KLHL1: variants seen among roughly 807,000 people sequenced by gnomAD.
The protein encoded by KLHL1 is kelch-like protein 1.
A neutral mutation model predicts 77.7 loss-of-function variants in KLHL1; 47 were observed. The observed-to-expected ratio is 0.60, with a 90% CI of 0.48 to 0.77. The LOEUF is 0.77. Ranked by LOEUF, KLHL1 falls within the 30% of genes least tolerant of loss-of-function variation. The pLI is 0.00. For missense variants in KLHL1, 925 were observed against 910.8 expected, an observed-to-expected ratio of 1.02 and a Z score of -0.20; for synonymous variants, 360 against 325.2, an observed-to-expected ratio of 1.11 and a Z score of -1.15.
intron 8 of KLHL1, among the ~76,000 whole-genome samples, chr13:69,736,592 C>T (rs759898993): frequency 4.9e-4 from 75 of 152,038 alleles, no homozygotes; most frequent in Non-Finnish European, 8.4e-4. Flanking sequence ...TTGCACATGC[C>T]TGTTTATAGC....
intron 1 of KLHL1, among the ~76,000 whole-genome samples, chr13:70,098,837 A>T (rs1180133378): frequency 6.6e-6 from 1 of 151,412 alleles, no homozygotes; most frequent in Non-Finnish European, 1.5e-5. Context: ...CTCTTCTTAC[A>T]TTTTTTTCAA....
At chr13:69,970,247 C>G (rs1884341150) in intron 2 of KLHL1, among the ~76,000 whole-genome samples, 1 of 152,134 alleles carries the variant, frequency 6.6e-6, no homozygotes, top group African/African-American at 2.4e-5. Context: ...TCACATATCC[C>G]AGGACATTTC....
At chr13:69,961,167 C>T (rs1480135034) in intron 3 of KLHL1, 141 bp downstream of exon 3, 5 of 665,860 alleles carry the variant, frequency 7.5e-6, no homozygotes, top group Non-Finnish European at 4.9e-6. Context: ...AACAAAAAGT[C>T]TGATTTTTGA....
At chr13:69,712,526 T>C (rs1593764284) in intron 9 of KLHL1, among the ~76,000 whole-genome samples, 1 of 152,200 alleles carries the variant, frequency 6.6e-6, no homozygotes, top group East Asian at 1.9e-4. Context: ...ACAAATCTAT[T>C]CCATTTGTCT....
intron 4 of KLHL1, among the ~76,000 whole-genome samples, chr13:69,908,402 C>T (rs913520568): frequency 1.3e-5 from 2 of 150,864 alleles, no homozygotes; most frequent in African/African-American, 4.9e-5. Flanking sequence ...GAAGATTTGA[C>T]AAAAAAAGTT....
chr13:69,721,085 ATGTACCTCCCT>A (rs1873038045), intron 8 of KLHL1, among the ~76,000 whole-genome samples: 6 of 75,160 alleles, frequency 8.0e-5, no homozygotes, highest in Admixed American at 2.8e-4. Context: ...ATATAAAGCT[ATGTACCTCCCT>A]TACAAGGAAT....
chr13:69,839,317 G>A (rs1030368345), intron 5 of KLHL1, among the ~76,000 whole-genome samples, 155 bp from the exon 6 acceptor site: 1 of 151,858 alleles, frequency 6.6e-6, no homozygotes, highest in Admixed American at 6.6e-5. Flanking sequence ...AAATAAAAAT[G>A]TATAAAATGA....
At chr13:70,083,084 TA>T (rs1308058073) in intron 1 of KLHL1, among the ~76,000 whole-genome samples, 1 of 152,016 alleles carries the variant, frequency 6.6e-6, no homozygotes, top group Non-Finnish European at 1.5e-5. Context: ...GACTCCTCAC[TA>T]AAGGAACTTC....
chr13:69,975,506 T>TA (rs1566463288), intron 2 of KLHL1, 114 bp downstream of exon 2: 1 of 373,688 alleles, frequency 2.7e-6, no homozygotes, highest in East Asian at 8.8e-5. Flanking sequence ...ACAAAAAACT[T>TA]AAAAAAATGT....
At chr13:69,996,910 A>ATTTTTTTTTTTTTTTTTTTTTTTTTTTT (rs10549532) in intron 1 of KLHL1, among the ~76,000 whole-genome samples, 1 of 71,240 alleles carries the variant, frequency 1.4e-5, no homozygotes, top group Non-Finnish European at 2.5e-5. Flanking sequence ...TATTCATTAA[A>ATTTTTTTTTTTTTTTTTTTTTTTTTTTT]TTTTTTTTTT....
At chr13:69,742,013 CCCCAAAA>C (rs1174618432) in intron 7 of KLHL1, among the ~76,000 whole-genome samples, 8 of 152,088 alleles carry the variant, frequency 5.3e-5, no homozygotes. Flanking sequence ...CAATCTAGTT[CCCCAAAA>C]CTCTACCACC....
chr13:69,939,340 C>CATACATACATATATAT (rs1555283221), intron 4 of KLHL1, among the ~76,000 whole-genome samples: 1 of 60,846 alleles, frequency 1.6e-5, no homozygotes, highest in African/African-American at 6.8e-5. Flanking sequence ...CATATACATA[C>CATACATACATATATAT]ATATATATAT....
intron 2 of KLHL1, among the ~76,000 whole-genome samples, chr13:69,967,502 T>C (rs910214888): frequency 4.6e-5 from 7 of 152,200 alleles, no homozygotes; most frequent in East Asian, 1.9e-4. Context: ...TTGCTTCTAA[T>C]AGATGAGCAA....
At chr13:69,972,279 A>G (rs973469641) in intron 2 of KLHL1, among the ~76,000 whole-genome samples, 2 of 151,920 alleles carry the variant, frequency 1.3e-5, no homozygotes, top group Non-Finnish European at 2.9e-5. Flanking sequence ...TCAACTGTCT[A>G]CATACTAGTG....
chr13:70,084,385 T>C (rs1034396527), intron 1 of KLHL1, among the ~76,000 whole-genome samples: 10 of 151,366 alleles, frequency 6.6e-5, no homozygotes, highest in African/African-American at 2.4e-4. Flanking sequence ...AAGCACAAAG[T>C]AAAAGTGAAA....
intron 4 of KLHL1, among the ~76,000 whole-genome samples, chr13:69,912,744 A>T (rs1395814509): frequency 1.3e-5 from 2 of 151,742 alleles, no homozygotes. Flanking sequence ...CTCTGCTGGG[A>T]TTTTCTGTCG....
At chr13:69,810,518 T>C (rs1041573016) in intron 6 of KLHL1, among the ~76,000 whole-genome samples, 1 of 151,998 alleles carries the variant, frequency 6.6e-6, no homozygotes, top group African/African-American at 2.4e-5. Flanking sequence ...CCACAACCTC[T>C]GAGGTGCGGC....
chr13:69,850,474 G>T (rs1457481626), intron 5 of KLHL1, among the ~76,000 whole-genome samples: 1 of 151,260 alleles, frequency 6.6e-6, no homozygotes, highest in Non-Finnish European at 1.5e-5. Flanking sequence ...CTATAATATT[G>T]TCTAGGACCC....
chr13:69,720,943 G>A (rs999240898), intron 8 of KLHL1, among the ~76,000 whole-genome samples: 28 of 138,746 alleles, frequency 2.0e-4, no homozygotes, highest in Non-Finnish European at 3.7e-4. Context: ...GAGATTAGAT[G>A]TGTGAAAGGA....
Sources: gnomAD v4.1 joint callset for allele counts (sites outside exome capture counted in the v4.1 genomes callset) on GRCh38, gnomAD v4.1.1 for gene constraint, MANE v1.5 for transcripts, NCBI Gene and HGNC (gene_info 2026-07-23, HGNC 2026-07-21) for gene names.